Variants in ST3GAL1 observed in about 807,000 individuals in gnomAD.
ST3GAL1 encodes the protein CMP-N-acetylneuraminate-beta-galactosamide-alpha-2,3-sialyltransferase 1.
In ST3GAL1, 16 loss-of-function variants were observed where a neutral mutation model predicts 34.1. That is an observed-to-expected ratio of 0.47 (90% CI 0.32 to 0.71). The LOEUF (loss-of-function observed/expected upper bound fraction) is 0.71, where lower values mean the gene tolerates loss of function less well. ST3GAL1 is among the 30% of genes least tolerant of loss of function. ST3GAL1 has a pLI of 0.04. For missense variants in ST3GAL1, 353 were observed against 447.4 expected, an observed-to-expected ratio of 0.79 and a Z score of 1.90; for synonymous variants, 191 against 184.7, an observed-to-expected ratio of 1.03 and a Z score of -0.28.
intron 6 of ST3GAL1, 118 bp from the exon 7 acceptor site, chr8:133,465,075 C>A (rs568278750): frequency 2.0e-6 from 2 of 978,022 alleles, no homozygotes; most frequent in African/African-American, 3.3e-5. Context: ...CTGCCTTCCC[C>A]GGGCCTCCTT....
chr8:133,547,239 T>A (rs916492396), intron 1 of ST3GAL1, among the ~76,000 whole-genome samples: 1 of 152,026 alleles, frequency 6.6e-6, no homozygotes. Context: ...AAAGTGCTTA[T>A]ACCTAAAAGT....
At chr8:133,462,269 G>A (rs545794575) in intron 8 of ST3GAL1, among the ~76,000 whole-genome samples, 1 of 152,144 alleles carries the variant, frequency 6.6e-6, no homozygotes, top group South Asian at 2.1e-4. Context: ...CTGACACACA[G>A]AAAAATCCAA....
Position 133,475,761 on chromosome 8 carries a change from G to A in ST3GAL1, c.264C>T (p.Ala88=), listed in dbSNP as rs1334481970. The A allele has an allele frequency of 6.2e-7, 1 of 1,612,504 alleles. No homozygotes were observed. The highest frequency in any genetic ancestry group is 2.2e-5 in the East Asian group (1 of 44,814). Residue 88 remains alanine (A), a synonymous_variant, in exon 5 of 10, where the codon GCC becomes GCT. Coordinates refer to ENST00000522652, the MANE Select transcript of ST3GAL1 (RefSeq NM_173344.3). The part of the protein sequence containing the change: ...FNQTMQPLLT[A]QNALLEDDTY... ...TGTCGTCCTCCAAGAGCGCGTTCTGGGCGGTCAGCAGCGGCTGCATGGTCT... is the reference window on the plus strand; with the variant it reads ...TGTCGTCCTCCAAGAGCGCGTTCTGAGCGGTCAGCAGCGGCTGCATGGTCT...
chr8:133,568,944 A>G (rs114124008), intron 1 of ST3GAL1, among the ~76,000 whole-genome samples: 1 of 152,176 alleles, frequency 6.6e-6, no homozygotes, highest in Non-Finnish European at 1.5e-5. Flanking sequence ...CAATGCTGTG[A>G]GCGCCACCAG....
chr8:133,490,524 G>A (rs1166787987), intron 3 of ST3GAL1, among the ~76,000 whole-genome samples: 1 of 152,234 alleles, frequency 6.6e-6, no homozygotes, highest in South Asian at 2.1e-4. Context: ...GCAGGTGAAT[G>A]ACAACCAAAG....
chr8:133,522,505 C>T (rs1409123368), intron 2 of ST3GAL1, among the ~76,000 whole-genome samples: 1 of 152,168 alleles, frequency 6.6e-6, no homozygotes, highest in Admixed American at 6.5e-5. Context: ...TGAGGCCACA[C>T]AGCCTGTGTG....
rs1035583079 is a variant in ST3GAL1 at position 133,456,557 on chromosome 8, A to G, written c.*3207T>C. 1.3e-5 allele frequency: 2 copies of G among 152,324 alleles called. No homozygotes were observed. The highest frequency in any genetic ancestry group is 4.8e-5 in the African/African-American group (2 of 41,466). The allele number at this position is 152,324 out of a possible 1,614,324, so 9.4% of individuals were successfully genotyped here. ...AGCATGCATGTGCCTTTTGGCTAACACACACTCTTGTCTAATTCCCAGCCA... is the reference window on the plus strand; with the variant it reads ...AGCATGCATGTGCCTTTTGGCTAACGCACACTCTTGTCTAATTCCCAGCCA... On this transcript the variant is annotated 3_prime_UTR_variant, in exon 10 of 10. Transcript: ENST00000522652.
intron 2 of ST3GAL1, among the ~76,000 whole-genome samples, chr8:133,524,419 G>T (rs1235457460): frequency 6.6e-6 from 1 of 152,166 alleles, no homozygotes; most frequent in African/African-American, 2.4e-5. Flanking sequence ...AGCAGATCCT[G>T]ATGTCACAGG....
rs188811049 is a variant in ST3GAL1 at position 133,469,662 on chromosome 8, C to T, written c.307-3572G>A. On this transcript the variant is annotated intron_variant, in intron 5 of 9. Coordinates refer to ENST00000522652, the MANE Select transcript of ST3GAL1 (RefSeq NM_173344.3). This position sits in a 1 kb window ranked among gnomAD's most constrained non-coding sequence, Gnocchi z 4.3. ...TGTATTCGGTTGCAGCTCTACCCTG[C>T]TGCCTGCCCAGGCAAACTCTCCTCT... is the stretch of plus-strand genomic sequence containing the variant. Among the ~76,000 whole-genome samples the T allele has an allele frequency of 1.8e-4, 28 of 152,352 alleles. No homozygotes were observed. In the East Asian group the frequency reaches 5.2e-3, roughly 28 times the overall value.
chr8:133,514,302 T>C (rs1365010800), intron 2 of ST3GAL1, among the ~76,000 whole-genome samples: 1 of 141,208 alleles, frequency 7.1e-6, no homozygotes, highest in Admixed American at 6.9e-5. Flanking sequence ...GCAAGCTCCC[T>C]GGCCACAGGC....
At chr8:133,478,256 G>A (rs575906547) in intron 3 of ST3GAL1, among the ~76,000 whole-genome samples, 1 of 152,316 alleles carries the variant, frequency 6.6e-6, no homozygotes, top group South Asian at 2.1e-4. Flanking sequence ...CACTTGACTG[G>A]CAGAGGGTTC....
intron 3 of ST3GAL1, among the ~76,000 whole-genome samples, chr8:133,491,985 A>G (rs1353220781): frequency 1.3e-5 from 2 of 152,264 alleles, no homozygotes; most frequent in East Asian, 1.9e-4. Flanking sequence ...CAAGCTGTCC[A>G]GTGGGAGGAG....
intron 3 of ST3GAL1, among the ~76,000 whole-genome samples, chr8:133,485,582 G>C (rs1036126341): frequency 1.8e-4 from 27 of 152,176 alleles, no homozygotes; most frequent in Non-Finnish European, 3.8e-4. Flanking sequence ...GCTCAGAAAC[G>C]GGAAGTGACT....
At chr8:133,505,097 A>G (rs77151666) in intron 2 of ST3GAL1, among the ~76,000 whole-genome samples, 2,892 of 152,282 alleles carry the variant, frequency 0.019, 136 homozygotes, top group East Asian at 0.18. Context: ...TTGGAGTTGC[A>G]GTATCCAATG....
At chr8:133,563,001 G>A (rs1819291788) in intron 1 of ST3GAL1, among the ~76,000 whole-genome samples, 2 of 152,066 alleles carry the variant, frequency 1.3e-5, no homozygotes, top group East Asian at 3.8e-4. Flanking sequence ...AGCTAGAGAA[G>A]TAGCTGGATT....
chr8:133,474,000 C>T (rs948250328), intron 5 of ST3GAL1, among the ~76,000 whole-genome samples: 1 of 152,208 alleles, frequency 6.6e-6, no homozygotes. Flanking sequence ...GAGCCCACCC[C>T]AGGACCTGCA....
chr8:133,457,957 T>C lies in ST3GAL1; in HGVS notation c.*1807A>G, dbSNP rs778287418. On this transcript the variant is annotated 3_prime_UTR_variant, in exon 10 of 10. Transcript: ENST00000522652. The stretch of plus-strand genomic sequence containing the variant: ...TTCAACAAGAAAGTGGTTTTTCTGC[T>C]TAAACATTAGTAACTGGAGCCAACA... 2 of 152,346 alleles carry C rather than the reference T, an allele frequency of 1.3e-5. No individual in the cohort carries two copies. Among genetic ancestry groups the C allele is most frequent in the East Asian group, 1.9e-4 (1 of 5,186 alleles). The allele number at this position is 152,346 out of a possible 1,614,324, so 9.4% of individuals were successfully genotyped here.
At chr8:133,537,587 C>A (rs1818345791) in intron 2 of ST3GAL1, among the ~76,000 whole-genome samples, 1 of 152,202 alleles carries the variant, frequency 6.6e-6, no homozygotes, top group Non-Finnish European at 1.5e-5. Context: ...ACTGCCTAAG[C>A]TCCAAGGGCT....
At position 133,469,901 on chromosome 8, in the gene ST3GAL1, A is replaced by G. The variant is rs1269435426; in HGVS notation, c.307-3811T>C. Among the ~76,000 whole-genome samples, 1 of 152,182 alleles carries G rather than the reference A, an allele frequency of 6.6e-6. No individual in the cohort carries two copies. The highest frequency in any genetic ancestry group is 1.9e-4 in the East Asian group (1 of 5,192). On this transcript the variant is annotated intron_variant, in intron 5 of 9. Coordinates refer to ENST00000522652, the MANE Select transcript of ST3GAL1 (RefSeq NM_173344.3). This position sits in a 1 kb window ranked among gnomAD's most constrained non-coding sequence, Gnocchi z 4.3. Reference sequence around the variant, plus strand: ...ACCCATTCCAATCTTTCATTGGCAAAAGGGGAAATGGAGGCCCAGACCCTG... The same window carrying G: ...ACCCATTCCAATCTTTCATTGGCAAGAGGGGAAATGGAGGCCCAGACCCTG...
Sources: gnomAD v4.1 joint callset for allele counts (sites outside exome capture counted in the v4.1 genomes callset) on GRCh38, gnomAD v4.1.1 for gene constraint, Gnocchi (gnomAD v3.1) non-coding constraint, MANE v1.5 for transcripts, NCBI Gene and HGNC (gene_info 2026-07-23, HGNC 2026-07-21) for gene names.